The following ATG10 variants were observed in gnomAD, a reference collection of about 807,000 sequenced individuals.
ATG10 encodes the protein ubiquitin-like-conjugating enzyme ATG10.
In ATG10, 30 loss-of-function variants were observed where a neutral mutation model predicts 32.1. The ratio of observed to expected loss-of-function variants is 0.94; its 90% CI spans 0.70 to 1.27. ATG10 has a LOEUF of 1.27. Ranked by LOEUF, ATG10 falls within the 50% of genes most tolerant of loss-of-function variation. The pLI, the probability that ATG10 is intolerant of heterozygous loss-of-function variation, is 0.00. For synonymous variants in ATG10, 87 were observed against 91.5 expected, an observed-to-expected ratio of 0.95 and a Z score of 0.28; for missense variants, 233 against 262.3, an observed-to-expected ratio of 0.89 and a Z score of 0.77.
At chr5:82,049,754 G>T (rs1333788354) in intron 2 of ATG10, among the ~76,000 whole-genome samples, 2 of 151,982 alleles carry the variant, frequency 1.3e-5, no homozygotes, top group Admixed American at 6.6e-5. Flanking sequence ...TAGAGAGTGA[G>T]TTCAAAAAGG....
intron 5 of ATG10, among the ~76,000 whole-genome samples, chr5:82,191,222 A>G (rs2149945839): frequency 6.6e-6 from 1 of 152,350 alleles, no homozygotes; most frequent in Admixed American, 6.5e-5. Context: ...GCTGAAATGT[A>G]GGTTTTTCTT....
chr5:82,038,272 C>T (rs1353945607), intron 2 of ATG10, among the ~76,000 whole-genome samples: 1 of 152,192 alleles, frequency 6.6e-6, no homozygotes, highest in Admixed American at 6.5e-5. Flanking sequence ...TGAGGAGACT[C>T]ATGAAATAAG....
chr5:82,241,061 T>C (rs1746775196), intron 5 of ATG10, among the ~76,000 whole-genome samples: 2 of 152,150 alleles, frequency 1.3e-5, no homozygotes, highest in Non-Finnish European at 2.9e-5. Context: ...TCCCAAAAGA[T>C]GTTAAGTAGC....
chr5:82,016,051 T>A (rs1762277196), intron 2 of ATG10, among the ~76,000 whole-genome samples: 1 of 152,224 alleles, frequency 6.6e-6, no homozygotes, highest in South Asian at 2.1e-4. Context: ...CTGTTTACTC[T>A]GCTGATTATT....
At chr5:82,239,273 C>T (rs1746689687) in intron 5 of ATG10, among the ~76,000 whole-genome samples, 1 of 152,104 alleles carries the variant, frequency 6.6e-6, no homozygotes. Flanking sequence ...GCAGCATATG[C>T]CAGTAATAAC....
At chr5:81,983,894 C>T (rs1278337174) in intron 1 of ATG10, among the ~76,000 whole-genome samples, 1 of 151,634 alleles carries the variant, frequency 6.6e-6, no homozygotes. Context: ...CTCCCCACAT[C>T]TCAGACTATG....
chr5:81,998,932 A>G (rs1484584544), intron 2 of ATG10, among the ~76,000 whole-genome samples: 1 of 152,176 alleles, frequency 6.6e-6, no homozygotes, highest in Non-Finnish European at 1.5e-5. Context: ...ACCACACAAT[A>G]ATAGCAGGAG....
At chr5:82,246,021 A>G (rs528647287) in intron 5 of ATG10, among the ~76,000 whole-genome samples, 173 of 152,276 alleles carry the variant, frequency 1.1e-3, no homozygotes, top group African/African-American at 4.0e-3. Context: ...CATGCTCTCA[A>G]AAACATGCTT....
intron 2 of ATG10, among the ~76,000 whole-genome samples, chr5:82,026,060 A>C (rs72776826): frequency 0.076 from 11,615 of 152,240 alleles, 634 homozygotes; most frequent in African/African-American, 0.16. Flanking sequence ...TCACATTGCT[A>C]TGTAACCATC....
chr5:82,048,302 C>G (rs1353645432), intron 2 of ATG10, among the ~76,000 whole-genome samples: 12 of 142,712 alleles, frequency 8.4e-5, no homozygotes, highest in African/African-American at 3.2e-4. Context: ...TGTAAATTAC[C>G]TTGGGCAGTA....
intron 3 of ATG10, among the ~76,000 whole-genome samples, chr5:82,065,604 C>T (rs948444866): frequency 6.6e-6 from 1 of 151,850 alleles, no homozygotes; most frequent in African/African-American, 2.4e-5. Context: ...ATTGATACTA[C>T]CATATCACTT....
intron 5 of ATG10, among the ~76,000 whole-genome samples, chr5:82,199,559 C>T (rs1035031010): frequency 1.6e-4 from 25 of 152,160 alleles, no homozygotes; most frequent in Non-Finnish European, 3.2e-4. Flanking sequence ...TCAATATAAG[C>T]ATATTAGCTT....
intron 1 of ATG10, among the ~76,000 whole-genome samples, chr5:81,974,504 T>C (rs1232728749): frequency 2.0e-5 from 3 of 152,242 alleles, no homozygotes; most frequent in African/African-American, 7.2e-5. Context: ...ATGTAACATC[T>C]TTCTGAGAAA....
intron 2 of ATG10, among the ~76,000 whole-genome samples, chr5:82,033,872 T>C (rs1762817875): frequency 6.6e-6 from 1 of 150,606 alleles, no homozygotes; most frequent in Admixed American, 6.7e-5. Context: ...TATATATGTG[T>C]ATCTATAAAC....
At chr5:82,127,632 G>T (rs756134587) in intron 3 of ATG10, among the ~76,000 whole-genome samples, 21 of 152,142 alleles carry the variant, frequency 1.4e-4, no homozygotes, top group Non-Finnish European at 2.4e-4. Flanking sequence ...AATATAGATT[G>T]CACTGTGGTC....
intron 3 of ATG10, among the ~76,000 whole-genome samples, chr5:82,130,471 G>C (rs1222700611): frequency 6.6e-6 from 1 of 152,144 alleles, no homozygotes; most frequent in Non-Finnish European, 1.5e-5. Flanking sequence ...GGGCTCTGGT[G>C]GTGTAGGCGC....
chr5:82,148,079 C>T (rs1388971981), intron 3 of ATG10: 1 of 152,190 alleles, frequency 6.6e-6, no homozygotes, highest in Non-Finnish European at 1.5e-5. Flanking sequence ...ATCCAGCCAC[C>T]TGCTTGTTTT....
chr5:82,121,727 G>T (rs1766046544), intron 3 of ATG10, among the ~76,000 whole-genome samples: 3 of 152,224 alleles, frequency 2.0e-5, no homozygotes, highest in East Asian at 1.9e-4. Flanking sequence ...TAATGATGTG[G>T]TTTTTGTCTT....
At chr5:82,143,770 G>A (rs898122918) in intron 3 of ATG10, among the ~76,000 whole-genome samples, 1 of 152,180 alleles carries the variant, frequency 6.6e-6, no homozygotes, top group African/African-American at 2.4e-5. Flanking sequence ...ATATTTTGGT[G>A]GGAGACGGGA....
Sources: gnomAD v4.1 joint callset for allele counts (sites outside exome capture counted in the v4.1 genomes callset) on GRCh38, gnomAD v4.1.1 for gene constraint, MANE v1.5 for transcripts, NCBI Gene and HGNC (gene_info 2026-07-23, HGNC 2026-07-21) for gene names.